The following PJA2 variants were observed in gnomAD, a reference collection of about 807,000 sequenced individuals.
The protein encoded by PJA2 is praja ring finger ubiquitin ligase 2, also known as E3 ubiquitin-protein ligase Praja-2.
A neutral mutation model predicts 69.3 loss-of-function variants in PJA2; 25 were observed. The ratio of observed to expected loss-of-function variants is 0.36; its 90% CI spans 0.26 to 0.50. The LOEUF (loss-of-function observed/expected upper bound fraction) is 0.50, where lower values mean the gene tolerates loss of function less well. Ranked by LOEUF, PJA2 falls within the 20% of genes least tolerant of loss-of-function variation. The pLI is 0.96. For missense variants in PJA2, 809 were observed against 830.2 expected (o/e 0.97, Z 0.31); for synonymous variants, 308 against 277.8 (o/e 1.11, Z -1.08).
chr5:109,399,833 C>T (rs886454450), intron 1 of PJA2, among the ~76,000 whole-genome samples: 1 of 152,020 alleles, frequency 6.6e-6, no homozygotes, highest in African/African-American at 2.4e-5. Flanking sequence ...CTATGATTAC[C>T]CTTTTAAAGG....
chr5:109,370,321 G>C (rs1023785006), intron 4 of PJA2, among the ~76,000 whole-genome samples: 15 of 152,078 alleles, frequency 9.9e-5, no homozygotes, highest in Non-Finnish European at 1.8e-4. Context: ...TAATTGGTAG[G>C]AAATTACATT....
At chr5:109,353,525 A>G (rs1561345049) in intron 7 of PJA2, among the ~76,000 whole-genome samples, 1 of 122,538 alleles carries the variant, frequency 8.2e-6, no homozygotes, top group Non-Finnish European at 1.6e-5. Context: ...TATATATTAG[A>G]TATCTATAAT....
At position 109,378,811 on chromosome 5, in the gene PJA2, C is replaced by T; in HGVS notation, c.676G>A (p.Val226Ile). 6.2e-7 allele frequency: 1 copy of T among 1,613,464 alleles called. No homozygotes were observed. The highest frequency in any genetic ancestry group is 1.1e-5 in the South Asian group (1 of 91,090). ...SPPVPSFNCEVRDEFEELDSV... is the reference protein window; with the variant it reads ...SPPVPSFNCEIRDEFEELDSV... ...TCTAACTCTTCAAACTCATCTCTTACTTCACAGTTAAATGAGGGAACTGGT... is the reference window on the plus strand; with the variant it reads ...TCTAACTCTTCAAACTCATCTCTTATTTCACAGTTAAATGAGGGAACTGGT... Residue 226 changes from valine (V) to isoleucine (I), a missense_variant, in exon 4 of 10, where the codon GTA (valine) becomes ATA (isoleucine). Physicochemically the swap from Val to Ile is conservative, Grantham distance 29. Around this residue, in one of 4 missense-constraint regions of PJA2, gnomAD observed 700 missense variants for 639.5 expected, o/e 1.09. Coordinates refer to ENST00000361189, the MANE Select transcript of PJA2 (RefSeq NM_014819.5).
In PJA2 at chr5:109,378,982, C is replaced by T; in HGVS notation, c.505G>A (p.Asp169Asn). ...TCTTCTCCATGTTTGCCATCTGGATCATAAGAGTCTGTATGAACCAATGCA... is the reference window on the plus strand; with the variant it reads ...TCTTCTCCATGTTTGCCATCTGGATTATAAGAGTCTGTATGAACCAATGCA... ...GIALVHTDSYDPDGKHGEDND... is the reference protein window; with the variant it reads ...GIALVHTDSYNPDGKHGEDND... Residue 169 changes from aspartate (D) to asparagine (N), a missense_variant, in exon 4 of 10, where the codon GAT becomes AAT. By Grantham distance (23) the Asp-to-Asn change is conservative. Coordinates refer to ENST00000361189, the MANE Select transcript of PJA2 (RefSeq NM_014819.5). 4 of 1,614,140 alleles carry T rather than the reference C, an allele frequency of 2.5e-6. No individual in the cohort carries two copies. Among genetic ancestry groups the T allele is most frequent in the Non-Finnish European group, 3.4e-6 (4 of 1,180,012 alleles).
In PJA2 at chr5:109,354,071, A is replaced by G. The variant is rs868485760; in HGVS notation, c.1764+1844T>C. 3.2e-3 allele frequency among the ~76,000 whole-genome samples: 393 copies of G among 122,968 alleles called. 9 individuals are homozygous for G. Among genetic ancestry groups the G allele is most frequent in the African/African-American group, 0.012 (339 of 27,638 alleles). The allele number at this position is 122,968 out of a possible 152,430, so 80.7% of individuals were successfully genotyped here. On this transcript the variant is annotated intron_variant, in intron 7 of 9. Coordinates refer to ENST00000361189, the MANE Select transcript of PJA2 (RefSeq NM_014819.5). Reference sequence around the variant, plus strand: ...TTAGATATCTATGATATCTAGAGATATCTATAGATTAGATATCTATATCTA... The same window carrying G: ...TTAGATATCTATGATATCTAGAGATGTCTATAGATTAGATATCTATATCTA...
At chr5:109,343,917 G>A (rs1250967831) in intron 9 of PJA2, among the ~76,000 whole-genome samples, 3 of 151,796 alleles carry the variant, frequency 2.0e-5, no homozygotes, top group Admixed American at 6.6e-5. Flanking sequence ...CCAACATGGC[G>A]AAACTCTGTC....
At chr5:109,380,083 G>GTTTT (rs1358046158) in intron 3 of PJA2, among the ~76,000 whole-genome samples, 1 of 140,008 alleles carries the variant, frequency 7.1e-6, no homozygotes, top group Non-Finnish European at 1.5e-5. Flanking sequence ...GGTACGAAGG[G>GTTTT]TTCTTTTTTT....
At chr5:109,395,734 C>G (rs1197398339) in intron 1 of PJA2, among the ~76,000 whole-genome samples, 1 of 152,118 alleles carries the variant, frequency 6.6e-6, no homozygotes, top group Admixed American at 6.5e-5. Flanking sequence ...AGACAAGGCT[C>G]ATGCCTGTAA....
intron 1 of PJA2, among the ~76,000 whole-genome samples, chr5:109,394,229 G>A (rs1326990191): frequency 6.6e-6 from 1 of 151,756 alleles, no homozygotes; most frequent in East Asian, 1.9e-4. Flanking sequence ...TGTATTTTTA[G>A]TAGAGATGGG....
chr5:109,366,256 G>C (rs1762584333), intron 5 of PJA2, among the ~76,000 whole-genome samples: 1 of 152,138 alleles, frequency 6.6e-6, no homozygotes. Flanking sequence ...TAAAATCCAG[G>C]TTAGAGAAAA....
At chr5:109,352,037 C>T (rs1033845721) in intron 7 of PJA2, among the ~76,000 whole-genome samples, 1 of 152,076 alleles carries the variant, frequency 6.6e-6, no homozygotes, top group Non-Finnish European at 1.5e-5. Flanking sequence ...AATCAGAGCA[C>T]TAAAATGTGA....
At chr5:109,409,238 G>T (rs1053798880) in intron 1 of PJA2, 1 of 152,290 alleles carries the variant, frequency 6.6e-6, no homozygotes, top group African/African-American at 2.4e-5. Flanking sequence ...GAAAGGTGCT[G>T]ATCCCGGGAG....
intron 9 of PJA2, among the ~76,000 whole-genome samples, chr5:109,341,532 C>A (rs1762057430): frequency 1.4e-5 from 2 of 143,010 alleles, no homozygotes; most frequent in African/African-American, 5.2e-5. Flanking sequence ...GGCAGCCACC[C>A]CGTCCGGGAG....
At chr5:109,365,255 T>C (rs1341359901) in intron 5 of PJA2, among the ~76,000 whole-genome samples, 1 of 152,224 alleles carries the variant, frequency 6.6e-6, no homozygotes, top group African/African-American at 2.4e-5. Context: ...AAGTTCTGAC[T>C]TAACTTTATA....
intron 7 of PJA2, among the ~76,000 whole-genome samples, chr5:109,345,887 T>C (rs970302548): frequency 7.9e-5 from 12 of 152,224 alleles, no homozygotes; most frequent in African/African-American, 2.9e-4. Context: ...CATCAGATCA[T>C]GTGATCATCT....
intron 6 of PJA2, among the ~76,000 whole-genome samples, chr5:109,359,830 C>T (rs1452976678): frequency 6.6e-6 from 1 of 152,122 alleles, no homozygotes; most frequent in Non-Finnish European, 1.5e-5. Flanking sequence ...ATTGTATCAG[C>T]ATTAATTTGC....
intron 7 of PJA2, among the ~76,000 whole-genome samples, chr5:109,352,105 G>C (rs1239404906): frequency 6.6e-6 from 1 of 152,124 alleles, no homozygotes; most frequent in Non-Finnish European, 1.5e-5. Context: ...ACAGGCAGAA[G>C]TATAGACTGG....
chr5:109,344,096 T>G (rs1762132862), intron 9 of PJA2, 94 bp downstream of exon 9: 1 of 839,712 alleles, frequency 1.2e-6, no homozygotes, highest in African/African-American at 2.6e-5. Context: ...AAACTTTGTC[T>G]CACCAAAAAA....
intron 5 of PJA2, among the ~76,000 whole-genome samples, chr5:109,364,371 C>T (rs1762549604): frequency 6.6e-6 from 1 of 151,954 alleles, no homozygotes; most frequent in African/African-American, 2.4e-5. Context: ...CGCCTGTAAT[C>T]CCAGCACTTT....
Sources: allele counts gnomAD v4.1 joint callset (sites outside exome capture counted in the v4.1 genomes callset), GRCh38; gene constraint gnomAD v4.1.1; regional missense constraint gnomAD v4.1.1; transcripts MANE v1.5; gene names NCBI Gene and HGNC (gene_info 2026-07-23, HGNC 2026-07-21).